CHODL: variants seen among roughly 807,000 people sequenced by gnomAD.
CHODL encodes transmembrane protein MT75.
CHODL carries 29 observed loss-of-function variants against 34.5 expected under a neutral mutation model. The ratio of observed to expected loss-of-function variants is 0.84; its 90% CI spans 0.63 to 1.15. CHODL has a LOEUF of 1.15. Among genes scored for constraint, CHODL ranks in the 50% most tolerant of loss-of-function variants. The pLI is 0.00. For missense variants in CHODL, 332 were observed against 332.5 expected (o/e 1.00, Z 0.01); for synonymous variants, 125 against 116.1 (o/e 1.08, Z -0.49).
chr21:17,936,979 C>G (rs548118364), intron 1 of CHODL, among the ~76,000 whole-genome samples: 144 of 150,210 alleles, frequency 9.6e-4, no homozygotes, highest in African/African-American at 3.4e-3. Context: ...GAGGCTGAGG[C>G]AGGAGAATCA....
intron 2 of CHODL, among the ~76,000 whole-genome samples, chr21:18,236,578 AG>A (rs1393373564): frequency 2.0e-5 from 3 of 152,114 alleles, no homozygotes; most frequent in Non-Finnish European, 4.4e-5. Context: ...ACTTGACTCC[AG>A]TATTTTCCAT....
upstream of CHODL, among the ~76,000 whole-genome samples, chr21:18,242,355 C>T (rs776198247): frequency 2.0e-5 from 3 of 152,064 alleles, no homozygotes; most frequent in Non-Finnish European, 2.9e-5. Flanking sequence ...TCCCAATAAC[C>T]TTGTAACATT....
chr21:18,015,337 T>C (rs2064062152), intron 1 of CHODL, among the ~76,000 whole-genome samples: 1 of 152,202 alleles, frequency 6.6e-6, no homozygotes. Context: ...TGTGAAGATG[T>C]GCTTGCTTCC....
intron 2 of CHODL, among the ~76,000 whole-genome samples, chr21:18,159,355 G>T (rs561829373): frequency 1.3e-5 from 2 of 152,180 alleles, no homozygotes; most frequent in South Asian, 2.1e-4. Flanking sequence ...GATTTAATAT[G>T]GGAACTATTT....
Position 18,098,724 on chromosome 21 carries a change from G to T in CHODL, c.-45+70753G>T, listed in dbSNP as rs559823390. ...TATAATCCAGCAATCCCACTGCTGG[G>T]TATATACCAAAAAGAAAGCAAATCA... On this transcript the variant is annotated intron_variant, in intron 2 of 6. Transcript: ENST00000400127. Among the ~76,000 whole-genome samples, 77 of 152,168 alleles carry T rather than the reference G, an allele frequency of 5.1e-4. 1 individual carries two copies. The South Asian group carries it at 6.4e-3, about 13-fold the overall frequency.
chr21:18,125,917 C>A (rs1168723592), intron 2 of CHODL, among the ~76,000 whole-genome samples: 1 of 151,992 alleles, frequency 6.6e-6, no homozygotes, highest in African/African-American at 2.4e-5. Flanking sequence ...AAAGAATTTC[C>A]AATACAGGTA....
chr21:17,951,061 T>C (rs1019127267), intron 1 of CHODL, among the ~76,000 whole-genome samples: 2 of 151,724 alleles, frequency 1.3e-5, no homozygotes. Flanking sequence ...TTAATAAGTG[T>C]ATATATTCTT....
intron 2 of CHODL, among the ~76,000 whole-genome samples, chr21:18,102,007 C>T (rs1451489652): frequency 6.6e-6 from 1 of 152,014 alleles, no homozygotes; most frequent in Non-Finnish European, 1.5e-5. Flanking sequence ...TTACTCAGGT[C>T]CAAGAATCAA....
intron 2 of CHODL, among the ~76,000 whole-genome samples, chr21:18,230,669 T>A (rs1266836176): frequency 6.6e-6 from 1 of 152,078 alleles, no homozygotes; most frequent in Non-Finnish European, 1.5e-5. Flanking sequence ...TTCATAAATA[T>A]AAAGCTTGTT....
At chr21:18,095,352 GA>G (rs1270861264) in intron 2 of CHODL, among the ~76,000 whole-genome samples, 4 of 151,750 alleles carry the variant, frequency 2.6e-5, no homozygotes, top group Non-Finnish European at 4.4e-5. Flanking sequence ...GAAATTCAAA[GA>G]ATCATTAATG....
At chr21:18,167,566 C>T (rs1421369106) in intron 2 of CHODL, among the ~76,000 whole-genome samples, 1 of 152,112 alleles carries the variant, frequency 6.6e-6, no homozygotes, top group Non-Finnish European at 1.5e-5. Flanking sequence ...ATCTTGGCCT[C>T]CCAAAATGCT....
At chr21:17,985,200 A>T (rs1358677549) in intron 1 of CHODL, among the ~76,000 whole-genome samples, 1 of 152,152 alleles carries the variant, frequency 6.6e-6, no homozygotes, top group African/African-American at 2.4e-5. Context: ...ATATTTTTTC[A>T]ACTCTTCTTT....
chr21:18,171,234 C>G (rs1357713019), intron 2 of CHODL, among the ~76,000 whole-genome samples: 1 of 59,098 alleles, frequency 1.7e-5, no homozygotes, highest in Non-Finnish European at 2.6e-5. Flanking sequence ...GAGTCTCGCT[C>G]TGTCGCCCAG....
At chr21:18,167,636 C>T (rs1235686240) in intron 2 of CHODL, among the ~76,000 whole-genome samples, 1 of 152,082 alleles carries the variant, frequency 6.6e-6, no homozygotes, top group African/African-American at 2.4e-5. Flanking sequence ...AGGATCAGCT[C>T]TTTGATTTAT....
In CHODL at chr21:18,245,106, C is replaced by A; in HGVS notation, c.-118C>A. 2 of 849,358 alleles carry A rather than the reference C, an allele frequency of 2.4e-6. No homozygotes were observed. Among genetic ancestry groups the A allele is most frequent in the Non-Finnish European group, 3.3e-6 (2 of 597,280 alleles). The allele number at this position is 849,358 out of a possible 1,614,324, so 52.6% of individuals were successfully genotyped here. On this transcript the variant is annotated 5_prime_UTR_variant, in exon 1 of 6. Transcript: ENST00000299295. Reference sequence around the variant, plus strand: ...AGGGGGTCGGGCAGCTGGGCTCGGGCGGCGGGAGTAGGGCCCGGCAGGGAG... The same window carrying A: ...AGGGGGTCGGGCAGCTGGGCTCGGGAGGCGGGAGTAGGGCCCGGCAGGGAG...
At chr21:18,150,516 G>A (rs912842305) in intron 2 of CHODL, among the ~76,000 whole-genome samples, 1 of 152,132 alleles carries the variant, frequency 6.6e-6, no homozygotes, top group Non-Finnish European at 1.5e-5. Flanking sequence ...GGGTTCTGCT[G>A]ATGGGCCTTT....
chr21:17,999,753 T>C (rs1274138162), intron 1 of CHODL, among the ~76,000 whole-genome samples: 2 of 152,034 alleles, frequency 1.3e-5, no homozygotes, highest in Non-Finnish European at 2.9e-5. Flanking sequence ...CCACAACACA[T>C]GGGAATTCTA....
chr21:17,981,473 C>T (rs2063713512), intron 1 of CHODL, among the ~76,000 whole-genome samples: 2 of 152,160 alleles, frequency 1.3e-5, no homozygotes, highest in Admixed American at 1.3e-4. Context: ...ACAGAAGTGA[C>T]AGCTGAGGCC....
intron 2 of CHODL, among the ~76,000 whole-genome samples, chr21:18,239,393 G>A (rs753095152): frequency 5.0e-4 from 76 of 152,026 alleles, no homozygotes; most frequent in Non-Finnish European, 1.0e-3. Context: ...AGTGACAGAT[G>A]TACCTCCAGA....
Sources: gnomAD v4.1 joint callset for allele counts (sites outside exome capture counted in the v4.1 genomes callset) on GRCh38, gnomAD v4.1.1 for gene constraint, MANE v1.5 for transcripts, NCBI Gene and HGNC (gene_info 2026-07-23, HGNC 2026-07-21) for gene names.